The following SEMA3D variants were observed in gnomAD, a reference collection of about 807,000 sequenced individuals.
SEMA3D encodes semaphorin 3D, also known as semaphorin-3D.
Under a neutral mutation model 100.1 loss-of-function variants are expected in SEMA3D, and 84 were observed. The observed-to-expected ratio is 0.84, with a 90% confidence interval of 0.70 to 1.01. The LOEUF is 1.01. Among genes scored for constraint, SEMA3D ranks in the 50% least tolerant of loss-of-function variants. The pLI, the probability that SEMA3D is intolerant of heterozygous loss-of-function variation, is 0.00. For synonymous variants in SEMA3D, 312 were observed against 320.7 expected, an observed-to-expected ratio of 0.97 and a Z score of 0.29; for missense variants, 875 against 934.1, an observed-to-expected ratio of 0.94 and a Z score of 0.82.
At chr7:85,171,487 C>G (rs994868916) in intron 1 of SEMA3D, among the ~76,000 whole-genome samples, 3 of 151,886 alleles carry the variant, frequency 2.0e-5, no homozygotes, top group Admixed American at 6.6e-5. Context: ...TAGGATTGTT[C>G]CATCTTCCCT....
intron 4 of SEMA3D, among the ~76,000 whole-genome samples, chr7:85,086,066 A>T (rs1788203417): frequency 6.6e-6 from 1 of 152,194 alleles, no homozygotes; most frequent in South Asian, 2.1e-4. Context: ...TTTACTTCTT[A>T]AAGTAAAATT....
At chr7:85,149,650 TAAAGA>T (rs1476698224) in intron 2 of SEMA3D, among the ~76,000 whole-genome samples, 2 of 152,102 alleles carry the variant, frequency 1.3e-5, no homozygotes, top group African/African-American at 4.8e-5. Flanking sequence ...ACAATGACAT[TAAAGA>T]AGATACTGAG....
rs375656494 is a variant in SEMA3D, at chr7:85,006,842, T to G, written c.1868A>C (p.Lys623Thr). 237 of 1,611,064 alleles carry G rather than the reference T, an allele frequency of 1.5e-4. No individual in the cohort carries two copies. Among genetic ancestry groups the G allele is most frequent in the Non-Finnish European group, 2.0e-4 (231 of 1,178,160 alleles). Residue 623 changes from lysine (K) to threonine (T), a missense_variant, in exon 18 of 19, where the codon AAA becomes ACA. Lys to Thr is a moderately conservative substitution (Grantham distance 78). Coordinates refer to ENST00000284136, the MANE Select transcript of SEMA3D (RefSeq NM_001384900.1). ...CIPKSQQATI[K>T]WYIQRSGDEH... ...ATCCCCTGACCTCTGGATATACCAT[T>G]TAATAGTTGCTTGTTGGGATTTAGG...
intron 14 of SEMA3D, among the ~76,000 whole-genome samples, chr7:85,019,942 AC>A (rs1325567926): frequency 6.6e-6 from 1 of 151,574 alleles, no homozygotes; most frequent in Non-Finnish European, 1.5e-5. Context: ...AGTAAAAGAG[AC>A]CCCAGGCTTT....
chr7:85,103,951 A>G (rs1490601976), intron 3 of SEMA3D, among the ~76,000 whole-genome samples: 4 of 152,066 alleles, frequency 2.6e-5, no homozygotes, highest in Non-Finnish European at 5.9e-5. Flanking sequence ...AAACAACATG[A>G]AATTTTCACG....
chr7:85,069,778 G>A (rs1162535194), intron 6 of SEMA3D, among the ~76,000 whole-genome samples: 3 of 152,168 alleles, frequency 2.0e-5, no homozygotes, highest in Non-Finnish European at 4.4e-5. Context: ...TTAAAGATAC[G>A]ATCTGCAGCA....
intron 2 of SEMA3D, among the ~76,000 whole-genome samples, chr7:85,138,484 AT>A (rs1364673878): frequency 6.6e-6 from 1 of 150,916 alleles, no homozygotes; most frequent in East Asian, 1.9e-4. Flanking sequence ...TTTTTTTCTT[AT>A]TTTTTTGTTT....
upstream of SEMA3D, among the ~76,000 whole-genome samples, chr7:85,189,166 T>C (rs1182706691): frequency 6.6e-6 from 1 of 152,178 alleles, no homozygotes; most frequent in African/African-American, 2.4e-5. Context: ...TGTTGCCCAA[T>C]GTGATGAATG....
the SEMA3D span, among the ~76,000 whole-genome samples, chr7:85,211,012 T>C: frequency 6.6e-6 from 1 of 152,024 alleles, no homozygotes; most frequent in Admixed American, 6.6e-5. Flanking sequence ...TTTCACTTTA[T>C]GATTAAGTTG....
At chr7:85,029,915 C>T (rs796490399) in intron 12 of SEMA3D, among the ~76,000 whole-genome samples, 106 of 151,976 alleles carry the variant, frequency 7.0e-4, no homozygotes, top group Middle Eastern at 3.4e-3. Context: ...TTAAATAAAA[C>T]TGTATTTAAA....
the SEMA3D span, among the ~76,000 whole-genome samples, chr7:85,215,608 T>C: frequency 6.6e-6 from 1 of 152,208 alleles, no homozygotes; most frequent in East Asian, 1.9e-4. Flanking sequence ...ACTCAAAAAA[T>C]TCATTAAAGG....
In SEMA3D at chr7:84,995,574, C is replaced by A. The variant is rs937120985; in HGVS notation, c.*3866G>T. The A allele has an allele frequency of 6.6e-6, 1 of 152,028 alleles. No homozygotes were observed. The highest frequency in any genetic ancestry group is 2.1e-4 in the South Asian group (1 of 4,832). 9.4% of individuals were successfully genotyped at this position (152,028 alleles called of 1,614,324 possible). A position where few individuals can be genotyped will look rare whatever the true frequency, so the allele number is the denominator to read the frequency against. ...GTAGTTTTTATAATCATAGAACAGT[C>A]ATGTTTGCATTTTATTATAATACAA... On this transcript the variant is annotated 3_prime_UTR_variant, in exon 19 of 19. Transcript: ENST00000284136.
intron 7 of SEMA3D, among the ~76,000 whole-genome samples, chr7:85,066,281 A>G (rs1168316271): frequency 2.0e-5 from 3 of 151,870 alleles, no homozygotes; most frequent in African/African-American, 7.3e-5. Context: ...CAAAGAAGAC[A>G]GGAGAAGGAA....
Position 85,009,169 on chromosome 7 carries a change from GTT to G in SEMA3D, c.1769-2230_1769-2229del, listed in dbSNP as rs544258241. On this transcript the variant is annotated intron_variant, in intron 17 of 18. Coordinates refer to ENST00000284136, the MANE Select transcript of SEMA3D (RefSeq NM_001384900.1). ...TTATTACATGTAAGATAATTGTGGAGTTTTTTTTTCCTCTAGATTGCAGTCAA... is the reference window on the plus strand; with the variant it reads ...TTATTACATGTAAGATAATTGTGGAGTTTTTTTCCTCTAGATTGCAGTCAA... 6.3e-3 allele frequency among the ~76,000 whole-genome samples: 952 copies of G among 150,564 alleles called. 5 individuals are homozygous for G. Among genetic ancestry groups the G allele is most frequent in the Admixed American group, 0.01 (153 of 15,046 alleles).
chr7:85,053,819 AT>A (rs1791234052), intron 9 of SEMA3D, among the ~76,000 whole-genome samples: 1 of 152,046 alleles, frequency 6.6e-6, no homozygotes, highest in Non-Finnish European at 1.5e-5. Context: ...TTTTTAAAAA[AT>A]AAATTCATCC....
Position 85,055,817 on chromosome 7 carries a change from T to C in SEMA3D, c.761A>G (p.Asn254Ser), listed in dbSNP as rs1440293897. 1.9e-6 allele frequency: 3 copies of C among 1,578,312 alleles called. No individual in the cohort carries two copies. Among genetic ancestry groups the C allele is most frequent in the Non-Finnish European group, 2.6e-6 (3 of 1,152,082 alleles). Residue 254 changes from asparagine to serine, a missense_variant, in exon 9 of 19, where the codon AAT (asparagine) becomes AGT (serine). Physicochemically the swap from Asn to Ser is conservative, Grantham distance 46. Transcript: ENST00000284136. ...IGTFFIPDTY[N>S]PDDDKIYFFF... is the part of the protein sequence containing the mutation. ...GAAATATATTTTATCATCATCTGGA[T>C]TGTAGGTGTCTGGTATGAAGAAAGT...
intron 5 of SEMA3D, among the ~76,000 whole-genome samples, chr7:85,080,777 C>T (rs1334397574): frequency 6.6e-6 from 1 of 152,062 alleles, no homozygotes; most frequent in African/African-American, 2.4e-5. Flanking sequence ...AATCAGGTTA[C>T]ATGATTAGAG....
the SEMA3D span, among the ~76,000 whole-genome samples, chr7:85,216,312 T>C: frequency 6.6e-6 from 1 of 151,690 alleles, no homozygotes; most frequent in Non-Finnish European, 1.5e-5. Context: ...TAATTTTACA[T>C]GAAAAAACAA....
At chr7:85,000,124 AT>A (rs1014934781) in intron 18 of SEMA3D, among the ~76,000 whole-genome samples, 6 of 152,114 alleles carry the variant, frequency 3.9e-5, no homozygotes, top group East Asian at 3.9e-4. Context: ...GAATGCAGTT[AT>A]TTTTTTTCTC....
Sources: allele counts gnomAD v4.1 joint callset (sites outside exome capture counted in the v4.1 genomes callset), GRCh38; gene constraint gnomAD v4.1.1; transcripts MANE v1.5; gene names NCBI Gene and HGNC (gene_info 2026-07-23, HGNC 2026-07-21).